The following POLR3C variants were observed in gnomAD, a reference collection of about 807,000 sequenced individuals.
POLR3C encodes the protein RNA polymerase III subunit C.
A neutral mutation model predicts 65.9 loss-of-function variants in POLR3C; 44 were observed. The ratio of observed to expected loss-of-function variants is 0.67; its 90% confidence interval spans 0.52 to 0.86. POLR3C has a LOEUF of 0.86. POLR3C is among the 40% of genes least tolerant of loss of function. The pLI, the probability that POLR3C is intolerant of heterozygous loss-of-function variation, is 0.00. For missense variants in POLR3C, 576 were observed against 653.2 expected (o/e 0.88, Z 1.29); for synonymous variants, 263 against 231.6 (o/e 1.14, Z -1.23).
chr1:145,829,422 AC>A (rs1651102915), intron 5 of POLR3C, among the ~76,000 whole-genome samples: 1 of 151,984 alleles, frequency 6.6e-6, no homozygotes, highest in African/African-American at 2.4e-5. Context: ...CTCAAATCCA[AC>A]CATTTCTCAT....
At position 145,826,924 on chromosome 1, in the gene POLR3C, G is replaced by A. The variant is rs781861330; in HGVS notation, c.508G>A (p.Asp170Asn). 1.6e-5 allele frequency: 26 copies of A among 1,613,302 alleles called. No individual in the cohort carries two copies. The highest frequency in any genetic ancestry group is 2.2e-5 in the Non-Finnish European group (26 of 1,179,870). ...TTCGGTACCTACCACTGAGAATTCAGACCCTGGGCCACCACCACCTGCCCC... is the reference window on the plus strand; with the variant it reads ...TTCGGTACCTACCACTGAGAATTCAAACCCTGGGCCACCACCACCTGCCCC... ...CPSVPTTENS[D>N]PGPPPPAPTL... The change falls in exon 4 of 15, where the codon GAC (aspartate) becomes AAC (asparagine). Residue 170 changes from aspartate to asparagine, a missense_variant. Coordinates refer to ENST00000334163, the MANE Select transcript of POLR3C (RefSeq NM_006468.8).
intron 1 of POLR3C, among the ~76,000 whole-genome samples, chr1:145,825,546 G>A (rs1046115617): frequency 1.3e-5 from 2 of 152,148 alleles, no homozygotes; most frequent in Non-Finnish European, 2.9e-5. Context: ...ATTATAAAGA[G>A]AACTAATGAC....
intron 5 of POLR3C, among the ~76,000 whole-genome samples, chr1:145,830,322 C>A (rs36107432): frequency 0.29 from 43,076 of 149,966 alleles, 7,083 homozygotes; most frequent in Non-Finnish European, 0.37. Flanking sequence ...AAAAAAAAAA[C>A]CCAGTTAGGA....
chr1:145,832,746 G>C (rs781865339), intron 5 of POLR3C, among the ~76,000 whole-genome samples: 1 of 152,132 alleles, frequency 6.6e-6, no homozygotes, highest in Non-Finnish European at 1.5e-5. Context: ...GAGAAAGGCC[G>C]GATGTGGTGG....
chr1:145,841,686 TATTA>T (rs1367243081), intron 14 of POLR3C, among the ~76,000 whole-genome samples: 11 of 152,232 alleles, frequency 7.2e-5, no homozygotes, highest in Non-Finnish European at 1.2e-4. Context: ...TAAATTCATT[TATTA>T]ATTCTAGTAG....
intron 7 of POLR3C, among the ~76,000 whole-genome samples, chr1:145,834,225 A>T (rs1003002297): frequency 6.6e-5 from 10 of 152,218 alleles, no homozygotes; most frequent in Admixed American, 2.6e-4. Context: ...AAAATATGGT[A>T]TGAAAAATTA....
At chr1:145,826,028 C>G in intron 2 of POLR3C, 105 bp downstream of exon 2, 1 of 896,068 alleles carries the variant, frequency 1.1e-6, no homozygotes, top group South Asian at 1.6e-5. Flanking sequence ...ATGAAGAAAG[C>G]CTGCCCTTGG....
intron 5 of POLR3C, among the ~76,000 whole-genome samples, chr1:145,832,460 T>G (rs1209976275): frequency 6.6e-6 from 1 of 152,044 alleles, no homozygotes; most frequent in African/African-American, 2.4e-5. Flanking sequence ...TAGAGCTGGA[T>G]CCCCAAGAAT....
At chr1:145,833,211 C>T (rs1651484774) in intron 5 of POLR3C, 49 bp from the exon 6 acceptor site, 1 of 1,089,512 alleles carries the variant, frequency 9.2e-7, no homozygotes, top group Non-Finnish European at 1.4e-6. Context: ...AGCTCCTCAC[C>T]AGAAAACTTT....
rs1253002038 is a variant in POLR3C, at chr1:145,824,490, C to G, written c.-21+121C>G. 5 of 1,276,938 alleles carry G rather than the reference C, an allele frequency of 3.9e-6. No homozygotes were observed. The East Asian group carries it at 2.8e-4, about 70-fold the overall frequency. 79.1% of individuals were successfully genotyped at this position (1,276,938 alleles called of 1,614,324 possible). A position where few individuals can be genotyped will look rare whatever the true frequency, so the allele number is the denominator to read the frequency against. ...AGCCAAGCGCCTTGGAAGCCCTTTC[C>G]GAGGATGGCAAAGGATCTGGGAATG... On this transcript the variant is annotated intron_variant, in intron 1 of 14. Transcript: ENST00000334163.
rs140129928 is a variant in POLR3C, at chr1:145,830,711, A to T, written c.678+1874A>T. 4.3e-4 allele frequency among the ~76,000 whole-genome samples: 65 copies of T among 152,060 alleles called. 1 individual carries two copies. In the East Asian group the frequency reaches 9.3e-3, roughly 22 times the overall value. ...CTACTTGGGAGGCTGCGGCAGGATA[A>T]TGGCCTGAACCTGGGAGGCAGGGGT... On this transcript the variant is annotated intron_variant, in intron 5 of 14. Coordinates refer to ENST00000334163, the MANE Select transcript of POLR3C (RefSeq NM_006468.8).
At chr1:145,827,940 A>G (rs1213675878) in intron 4 of POLR3C, among the ~76,000 whole-genome samples, 3 of 151,852 alleles carry the variant, frequency 2.0e-5, no homozygotes, top group Non-Finnish European at 2.9e-5. Flanking sequence ...GAAAAAAAAA[A>G]GAAAAGAAAA....
chr1:145,833,689 A>T (rs1651541979), intron 7 of POLR3C, 107 bp downstream of exon 7: 2 of 753,678 alleles, frequency 2.7e-6, no homozygotes, highest in South Asian at 3.1e-5. Flanking sequence ...CTTGAAAGAG[A>T]AGGGCATTTG....
chr1:145,830,941 CA>C (rs782138034), intron 5 of POLR3C, among the ~76,000 whole-genome samples: 35 of 141,270 alleles, frequency 2.5e-4, no homozygotes, highest in East Asian at 6.2e-4. Flanking sequence ...CCATCTGTAC[CA>C]AAAAAAAAAA....
rs1553725647 is a variant in POLR3C, at chr1:145,825,910, C to T, written c.134C>T (p.Thr45Ile). 6.2e-7 allele frequency: 1 copy of T among 1,612,122 alleles called. No individual in the cohort carries two copies. Among genetic ancestry groups the T allele is most frequent in the South Asian group, 1.1e-5 (1 of 91,032 alleles). Residue 45 changes from threonine to isoleucine, a missense_variant, in exon 2 of 15, where the codon ACA becomes ATA. By Grantham distance (89) the Thr-to-Ile change is moderately conservative (BLOSUM62 -1). Transcript: ENST00000334163. ...PLRVIAHDTG[T>I]SLDQVKKALC... Reference sequence around the variant, plus strand: ...AGAGTAATTGCCCATGACACAGGAACATCACTGGATCAGGTATGTCTAAAT... The same window carrying T: ...AGAGTAATTGCCCATGACACAGGAATATCACTGGATCAGGTATGTCTAAAT...
At chr1:145,836,316 C>T (rs1176697092) in intron 7 of POLR3C, among the ~76,000 whole-genome samples, 178 bp from the exon 8 acceptor site, 2 of 152,118 alleles carry the variant, frequency 1.3e-5, no homozygotes, top group Non-Finnish European at 2.9e-5. Context: ...GACGGGGTTT[C>T]ACCATATTGG....
At chr1:145,831,240 C>T (rs139066977) in intron 5 of POLR3C, among the ~76,000 whole-genome samples, 70 of 152,110 alleles carry the variant, frequency 4.6e-4, no homozygotes, top group African/African-American at 1.4e-3. Context: ...CAGGATAGGC[C>T]GGGTGCGGTA....
intron 7 of POLR3C, among the ~76,000 whole-genome samples, chr1:145,835,240 T>TC (rs1243538614): frequency 1.3e-5 from 2 of 151,108 alleles, no homozygotes; most frequent in Non-Finnish European, 2.9e-5. Context: ...CCTGAGGAGT[T>TC]CAAGACCAGC....
intron 11 of POLR3C, 24 bp from the exon 12 acceptor site, chr1:145,839,866 T>C: frequency 7.6e-7 from 1 of 1,311,706 alleles, no homozygotes; most frequent in Non-Finnish European, 1.1e-6. Flanking sequence ...ATTTCTGCTA[T>C]TTTTCTTTCT....
Sources: gnomAD v4.1 joint callset for allele counts (sites outside exome capture counted in the v4.1 genomes callset) on GRCh38, gnomAD v4.1.1 for gene constraint, MANE v1.5 for transcripts, NCBI Gene and HGNC (gene_info 2026-07-23, HGNC 2026-07-21) for gene names.